The following TDRD6 variants were observed in gnomAD, a reference collection of about 807,000 sequenced individuals.
The protein encoded by TDRD6 is tudor domain containing 6.
In TDRD6, 186 loss-of-function variants were observed where a neutral mutation model predicts 157.5. The observed-to-expected ratio is 1.18, with a 90% CI of 1.05 to 1.33. The LOEUF (loss-of-function observed/expected upper bound fraction) is 1.33, where lower values mean the gene tolerates loss of function less well. Ranked by LOEUF, TDRD6 falls within the 40% of genes most tolerant of loss-of-function variation. TDRD6 has a pLI of 0.00. For synonymous variants in TDRD6, 1,075 were observed against 945.2 expected, an observed-to-expected ratio of 1.14 and a Z score of -2.52; for missense variants, 3,066 against 2,508.0, an observed-to-expected ratio of 1.22 and a Z score of -4.75.
Position 46,689,977 on chromosome 6 carries a change from G to A in TDRD6, c.1849G>A (p.Val617Ile), listed in dbSNP as rs769566932. 1 of 1,613,414 alleles carries A rather than the reference G, an allele frequency of 6.2e-7. No homozygotes were observed. Among genetic ancestry groups the A allele is most frequent in the Non-Finnish European group, 8.5e-7 (1 of 1,179,708 alleles). The change falls in exon 1 of 4, where the codon GTT (valine) becomes ATT (isoleucine). Residue 617 changes from valine (V) to isoleucine (I), a missense_variant. Val to Ile is a conservative substitution (Grantham distance 29). Coordinates refer to ENST00000316081, the MANE Select transcript of TDRD6 (RefSeq NM_001010870.3). ...PLGKTWSQEA[V>I]SFFKKTVLHK... ...GGGAAAAACTTGGAGCCAGGAGGCAGTTTCCTTTTTTAAAAAGACTGTGCT... is the reference window on the plus strand; with the variant it reads ...GGGAAAAACTTGGAGCCAGGAGGCAATTTCCTTTTTTAAAAAGACTGTGCT...
chr6:46,697,938 T>A, intron 2 of TDRD6, 60 bp from the exon 3 acceptor site: 1 of 889,114 alleles, frequency 1.1e-6, no homozygotes. Context: ...ATTGCTCTGG[T>A]ACATAAATCA....
intron 1 of TDRD6, among the ~76,000 whole-genome samples, chr6:46,694,481 A>G (rs1002149553): frequency 1.2e-4 from 19 of 152,094 alleles, no homozygotes; most frequent in African/African-American, 4.6e-4. Context: ...TTTTACTTTT[A>G]AGTTTAACAT....
intron 1 of TDRD6, among the ~76,000 whole-genome samples, chr6:46,695,196 T>C (rs776155964): frequency 1.3e-5 from 2 of 152,144 alleles, no homozygotes; most frequent in African/African-American, 2.4e-5. Context: ...AAGTGATCAA[T>C]GTTAACACCA....
Position 46,689,106 on chromosome 6 carries a change from G to T in TDRD6, c.978G>T (p.Trp326Cys), listed in dbSNP as rs927273835. The T allele has an allele frequency of 1.4e-5, 23 of 1,614,052 alleles. No homozygotes were observed. Among genetic ancestry groups the T allele is most frequent in the Non-Finnish European group, 1.9e-5 (22 of 1,180,052 alleles). Residue 326 changes from tryptophan to cysteine, a missense_variant, in exon 1 of 4, where the codon TGG (tryptophan) becomes TGT (cysteine). By Grantham distance (215) the Trp-to-Cys change is radical. Coordinates refer to ENST00000316081, the MANE Select transcript of TDRD6 (RefSeq NM_001010870.3). ...CATCCTGTGGCCTGGATGGACATTG[G>T]TACAGAGCACTGTTGCTTGAGACTT... ...PCASCGLDGH[W>C]YRALLLETFR...
chr6:46,701,218 ATATACT>A (rs1169109291), intron 3 of TDRD6, among the ~76,000 whole-genome samples: 1 of 152,218 alleles, frequency 6.6e-6, no homozygotes, highest in Non-Finnish European at 1.5e-5. Flanking sequence ...AAAAATTTAA[ATATACT>A]TATGGAGATA....
chr6:46,688,937 G>C lies in TDRD6; in HGVS notation c.809G>C (p.Arg270Pro), dbSNP rs140945799. 2.5e-6 allele frequency: 4 copies of C among 1,611,016 alleles called. No homozygotes were observed. Among genetic ancestry groups the C allele is most frequent in the Non-Finnish European group, 2.5e-6 (3 of 1,178,320 alleles). ...CHPHRIHCQL[R>P]SVSQEIHRLS... ...CCCCACCGCATTCACTGCCAGCTCC[G>C]CAGCGTCTCGCAGGAGATCCACCGC... The change falls in exon 1 of 4, where the codon CGC becomes CCC. Residue 270 changes from arginine (R) to proline (P), a missense_variant. Physicochemically the swap from Arg to Pro is moderately radical, Grantham distance 103 (BLOSUM62 -2). Transcript: ENST00000316081.
intron 1 of TDRD6, among the ~76,000 whole-genome samples, chr6:46,695,427 T>C (rs573340640): frequency 1.1e-4 from 17 of 152,290 alleles, no homozygotes; most frequent in African/African-American, 4.1e-4. Context: ...CTCATTGTCA[T>C]ATTTAATAAT....
the TDRD6 span, among the ~76,000 whole-genome samples, chr6:46,680,330 GAA>G: frequency 2.5e-5 from 3 of 122,092 alleles, no homozygotes; most frequent in Non-Finnish European, 1.8e-5. Context: ...GTCCGTGAAA[GAA>G]AAAAAAAAAA....
In TDRD6 at chr6:46,704,270, C is replaced by T. The variant is rs558379008; in HGVS notation, c.*2383C>T. 84 of 308,722 alleles carry T rather than the reference C, an allele frequency of 2.7e-4. 1 individual carries two copies. The South Asian group carries it at 2.8e-3, about 10-fold the overall frequency. The allele number at this position is 308,722 out of a possible 1,614,324, so 19.1% of individuals were successfully genotyped here. A position where few individuals can be genotyped will look rare whatever the true frequency, so the allele number is the denominator to read the frequency against. Reference sequence around the variant, plus strand: ...GTAATGTAAAAACAGTTTTTAACTTCGACACTGAAAAGGAATCATCTTTAA... The same window carrying T: ...GTAATGTAAAAACAGTTTTTAACTTTGACACTGAAAAGGAATCATCTTTAA... On this transcript the variant is annotated 3_prime_UTR_variant, in exon 4 of 4. Transcript: ENST00000316081.
In TDRD6 at chr6:46,692,378, A is replaced by T; in HGVS notation, c.4250A>T (p.His1417Leu). ...VNAILPGLCI[H>L]CSLQGFEVPD... ...GCAATATTGCCGGGGTTGTGCATTC[A>T]TTGCTCCTTGCAGGGATTTGAGGTT... Residue 1417 changes from histidine (H) to leucine (L), a missense_variant, in exon 1 of 4, where the codon CAT becomes CTT. Physicochemically the swap from His to Leu is moderately conservative, Grantham distance 99. Coordinates refer to ENST00000316081, the MANE Select transcript of TDRD6 (RefSeq NM_001010870.3). 1.2e-6 allele frequency: 2 copies of T among 1,614,182 alleles called. No homozygotes were observed. Among genetic ancestry groups the T allele is most frequent in the Non-Finnish European group, 1.7e-6 (2 of 1,180,028 alleles).
intron 2 of TDRD6, 93 bp downstream of exon 2, chr6:46,696,038 A>G: frequency 7.3e-7 from 1 of 1,362,848 alleles, no homozygotes; most frequent in Non-Finnish European, 1.0e-6. Flanking sequence ...ACGCGATTGA[A>G]CAAATGTTTA....
rs1764668917 is a variant in TDRD6 at position 46,703,310 on chromosome 6, GC to G, written c.*1424del. On this transcript the variant is annotated 3_prime_UTR_variant, in exon 4 of 4. Coordinates refer to ENST00000316081, the MANE Select transcript of TDRD6 (RefSeq NM_001010870.3). ...CCGTAAGTAGAAGGGAGAGAGGTTT[GC>G]ATTAAAAGTAATTGAGGTAGATGAG... 6.6e-6 allele frequency: 1 copy of G among 152,018 alleles called. No individual in the cohort carries two copies. Among genetic ancestry groups the G allele is most frequent in the South Asian group, 2.1e-4 (1 of 4,824 alleles). The allele number at this position is 152,018 out of a possible 1,614,324, so 9.4% of individuals were successfully genotyped here.
At position 46,691,587 on chromosome 6, in the gene TDRD6, T is replaced by G. The variant is rs750713321; in HGVS notation, c.3459T>G (p.Asn1153Lys). Residue 1153 changes from asparagine to lysine, a missense_variant, in exon 1 of 4, where the codon AAT becomes AAG. Physicochemically the swap from Asn to Lys is moderately conservative, Grantham distance 94. Coordinates refer to ENST00000316081, the MANE Select transcript of TDRD6 (RefSeq NM_001010870.3). ...GDNIQISASI[N>K]KKLGLLSYKD... ...ATATTCAAATTAGTGCTAGTATTAATAAGAAGTTGGGGCTACTTAGTTACA... is the reference window on the plus strand; with the variant it reads ...ATATTCAAATTAGTGCTAGTATTAAGAAGAAGTTGGGGCTACTTAGTTACA... 6.2e-7 allele frequency: 1 copy of G among 1,613,500 alleles called. No individual in the cohort carries two copies. Among genetic ancestry groups the G allele is most frequent in the Admixed American group, 1.7e-5 (1 of 59,956 alleles).
Position 46,692,622 on chromosome 6 carries a change from G to C in TDRD6, c.4494G>C (p.Lys1498Asn), listed in dbSNP as rs776801469. Residue 1498 changes from lysine (K) to asparagine (N), a missense_variant, in exon 1 of 4, where the codon AAG becomes AAC. Physicochemically the swap from Lys to Asn is moderately conservative, Grantham distance 94. Coordinates refer to ENST00000316081, the MANE Select transcript of TDRD6 (RefSeq NM_001010870.3). ...AAGTAATTAAAAGTGCCAGTTCAAA[G>C]TCTGTTAACAAATCAGACATTGACA... ...STQVIKSASS[K>N]SVNKSDIDTS... The C allele has an allele frequency of 6.2e-7, 1 of 1,613,358 alleles. No homozygotes were observed. The highest frequency in any genetic ancestry group is 1.7e-5 in the Admixed American group (1 of 59,858).
At chr6:46,700,043 C>T (rs1764583015) in intron 3 of TDRD6, among the ~76,000 whole-genome samples, 1 of 152,096 alleles carries the variant, frequency 6.6e-6, no homozygotes, top group Non-Finnish European at 1.5e-5. Flanking sequence ...AAAATACCAG[C>T]CTACTACACT....
intron 3 of TDRD6, among the ~76,000 whole-genome samples, chr6:46,699,279 T>A (rs1764567480): frequency 6.6e-6 from 1 of 152,152 alleles, no homozygotes; most frequent in South Asian, 2.1e-4. Flanking sequence ...TGTTTGCCCG[T>A]AAGAGCGAAG....
rs1458042886 is a variant in TDRD6 at position 46,695,952 on chromosome 6, G to A, written c.6171+7G>A. ...AGCTGAAGAAGGAACAAGGGTAAGT[G>A]ATGTTTAAGTACTTTATCTCCAAAT... is the stretch of plus-strand genomic sequence containing the variant. On this transcript the variant is annotated splice_region_variant and intron_variant, in intron 2 of 3. Coordinates refer to ENST00000316081, the MANE Select transcript of TDRD6 (RefSeq NM_001010870.3). 4 of 1,609,600 alleles carry A rather than the reference G, an allele frequency of 2.5e-6. No individual in the cohort carries two copies. The Admixed American group carries it at 6.7e-5, about 27-fold the overall frequency.
chr6:46,690,957 C>G lies in TDRD6; in HGVS notation c.2829C>G (p.Pro943=). Residue 943 remains proline, a synonymous_variant, in exon 1 of 4, where the codon CCC becomes CCG. Transcript: ENST00000316081. The part of the protein sequence containing the change: ...ELFNIVDLLT[P]FQSACHFLVE... ...TTAACATTGTGGATTTGCTAACCCCCTTTCAGAGTGCATGCCATTTCTTGG... is the reference window on the plus strand; with the variant it reads ...TTAACATTGTGGATTTGCTAACCCCGTTTCAGAGTGCATGCCATTTCTTGG... The G allele has an allele frequency of 6.2e-7, 1 of 1,614,116 alleles. No individual in the cohort carries two copies. Among genetic ancestry groups the G allele is most frequent in the Non-Finnish European group, 8.5e-7 (1 of 1,179,990 alleles).
At chr6:46,686,476 T>TAAAAAAAAAAAAAAAAAAA (rs35028991), upstream of TDRD6, among the ~76,000 whole-genome samples, 1 of 127,834 alleles carries the variant, frequency 7.8e-6, no homozygotes, top group Non-Finnish European at 1.7e-5. Context: ...TAGAAGTATG[T>TAAAAAAAAAAAAAAAAAAA]AAAAAAAAAA....
Sources: allele counts gnomAD v4.1 joint callset (sites outside exome capture counted in the v4.1 genomes callset), GRCh38; gene constraint gnomAD v4.1.1; transcripts MANE v1.5; gene names NCBI Gene and HGNC (gene_info 2026-07-23, HGNC 2026-07-21).